The following TGM6 variants were observed in gnomAD, a reference collection of about 807,000 sequenced individuals.
TGM6 encodes the protein protein-glutamine gamma-glutamyltransferase 6.
In TGM6, 74 loss-of-function variants were observed where a neutral mutation model predicts 77.5. That is an observed-to-expected ratio of 0.96 (90% CI 0.79 to 1.16). TGM6 has a LOEUF of 1.16. TGM6 is among the 50% of genes most tolerant of loss of function. The pLI is 0.00. For missense variants in TGM6, 968 were observed against 940.2 expected, an observed-to-expected ratio of 1.03 and a Z score of -0.39; for synonymous variants, 383 against 378.9, an observed-to-expected ratio of 1.01 and a Z score of -0.12.
chr20:2,403,737 C>T lies in TGM6; in HGVS notation c.1250C>T (p.Thr417Met), dbSNP rs141071237. The change falls in exon 9 of 13, where the codon ACG becomes ATG. Residue 417 changes from threonine to methionine, a missense_variant. By Grantham distance (81) the Thr-to-Met change is moderately conservative. Transcript: ENST00000202625. ...DESRERVYSN[T>M]KKIGRCISTK... ...AGCCGGGAGCGTGTATACTCAAACACGAAGAAGATTGGGAGATGCATCAGC... is the reference window on the plus strand; with the variant it reads ...AGCCGGGAGCGTGTATACTCAAACATGAAGAAGATTGGGAGATGCATCAGC... 121 of 1,614,208 alleles carry T rather than the reference C, an allele frequency of 7.5e-5. No homozygotes were observed. The highest frequency in any genetic ancestry group is 5.6e-4 in the African/African-American group (42 of 75,056).
In TGM6 at chr20:2,395,437, G is replaced by A; in HGVS notation, c.424+1G>A. ...CTCCTTTTCAACCCATGGTGTGCAG[G>A]TAGGAGTGGCCAAGTCCAATGCAGA... On this transcript the variant is annotated splice_donor_variant, in intron 3 of 12. Coordinates refer to ENST00000202625, the MANE Select transcript of TGM6 (RefSeq NM_198994.3). LOFTEE classifies it high-confidence loss of function. 1.9e-6 allele frequency: 3 copies of A among 1,614,254 alleles called. No homozygotes were observed. The highest frequency in any genetic ancestry group is 2.5e-6 in the Non-Finnish European group (3 of 1,180,034).
intron 1 of TGM6, among the ~76,000 whole-genome samples, chr20:2,384,669 C>T (rs532941896): frequency 1.3e-5 from 2 of 152,338 alleles, no homozygotes; most frequent in East Asian, 1.9e-4. Flanking sequence ...AGGGGCAAAG[C>T]CTGCATGTGA....
At chr20:2,432,388 T>A in intron 12 of TGM6, 102 bp from the exon 13 acceptor site, 1 of 1,455,422 alleles carries the variant, frequency 6.9e-7, no homozygotes, top group Non-Finnish European at 9.6e-7. Context: ...AGCCACAAGG[T>A]GAACTTGATC....
In TGM6 at chr20:2,403,424, G is replaced by A; in HGVS notation, c.1017G>A (p.Trp339Ter). 1 of 1,614,150 alleles carries A rather than the reference G, an allele frequency of 6.2e-7. No homozygotes were observed. The highest frequency in any genetic ancestry group is 8.5e-7 in the Non-Finnish European group (1 of 1,180,042). ...MWNFHVWNES[W>*]FARQDLGPSY... ...ATTTCCATGTCTGGAATGAGAGCTG[G>A]TTTGCCCGGCAGGACCTAGGCCCCT... The change falls in exon 8 of 13, where the codon TGG becomes TGA. Residue 339 changes from tryptophan to a stop codon, truncating the protein, a stop_gained. Coordinates refer to ENST00000202625, the MANE Select transcript of TGM6 (RefSeq NM_198994.3). LOFTEE classifies it high-confidence loss of function.
rs115563813 is a variant in TGM6 at position 2,427,624 on chromosome 20, A to G, written c.1679-2822A>G. Among the ~76,000 whole-genome samples the G allele has an allele frequency of 5.1e-3, 770 of 152,326 alleles. 5 individuals are homozygous for G. Among genetic ancestry groups the G allele is most frequent in the African/African-American group, 0.016 (680 of 41,574 alleles). ...TCTCCTTTTTATAGTTTCCTAAAGC[A>G]GAAGTTTAGATTATTGGATTTAGAT... On this transcript the variant is annotated intron_variant, in intron 10 of 12. Coordinates refer to ENST00000202625, the MANE Select transcript of TGM6 (RefSeq NM_198994.3).
In TGM6 at chr20:2,397,940, T is replaced by A. The variant is rs146472161; in HGVS notation, c.566T>A (p.Ile189Asn). 6.5e-5 allele frequency: 105 copies of A among 1,613,972 alleles called. No homozygotes were observed. Among genetic ancestry groups the A allele is most frequent in the Non-Finnish European group, 8.6e-5 (102 of 1,180,006 alleles). ...YGQFEEDILN[I>N]CLSILDRSPG... ...CAGTTTGAGGAGGACATCCTGAACATCTGCCTCTCCATCCTGGATCGAAGC... is the reference window on the plus strand; with the variant it reads ...CAGTTTGAGGAGGACATCCTGAACAACTGCCTCTCCATCCTGGATCGAAGC... Residue 189 changes from isoleucine (I) to asparagine (N), a missense_variant, in exon 5 of 13, where the codon ATC becomes AAC. By Grantham distance (149) the Ile-to-Asn change is moderately radical (BLOSUM62 -3). Transcript: ENST00000202625.
At chr20:2,426,140 G>T (rs530077402) in intron 10 of TGM6, among the ~76,000 whole-genome samples, 20 of 152,222 alleles carry the variant, frequency 1.3e-4, no homozygotes, top group African/African-American at 3.6e-4. Context: ...CATGAACATG[G>T]AATATCTCTC....
intron 4 of TGM6, among the ~76,000 whole-genome samples, chr20:2,397,495 A>G (rs2122354370): frequency 6.6e-6 from 1 of 152,346 alleles, no homozygotes; most frequent in Non-Finnish European, 1.5e-5. Context: ...TTGTTGCCAG[A>G]CCTTCCAAAT....
chr20:2,396,054 C>T (rs953108803), intron 3 of TGM6, among the ~76,000 whole-genome samples: 13 of 151,980 alleles, frequency 8.6e-5, no homozygotes, highest in East Asian at 3.9e-4. Flanking sequence ...GTGGCACACG[C>T]CTGTAATCCC....
intron 9 of TGM6, among the ~76,000 whole-genome samples, chr20:2,413,361 A>T (rs1356729295): frequency 6.6e-6 from 1 of 152,184 alleles, no homozygotes; most frequent in African/African-American, 2.4e-5. Context: ...ATGAGCCATG[A>T]TTGCACCACT....
At chr20:2,381,063 A>G (rs970333871) in intron 1 of TGM6, 88 bp downstream of exon 1, 10 of 1,542,032 alleles carry the variant, frequency 6.5e-6, no homozygotes, top group South Asian at 1.2e-5. Context: ...ACGTTTGATC[A>G]TCGATTGTTA....
chr20:2,389,174 G>A (rs899350920), intron 1 of TGM6, among the ~76,000 whole-genome samples: 6 of 152,108 alleles, frequency 3.9e-5, no homozygotes, highest in Non-Finnish European at 8.8e-5. Context: ...CACTTGCTCA[G>A]GGGAAACTAA....
Position 2,417,316 on chromosome 20 carries a change from G to T in TGM6, c.1421G>T (p.Arg474Leu), listed in dbSNP as rs757439955. 3.1e-6 allele frequency: 5 copies of T among 1,613,622 alleles called. No homozygotes were observed. The highest frequency in any genetic ancestry group is 1.1e-5 in the South Asian group (1 of 90,932). The change falls in exon 10 of 13, where the codon CGC (arginine) becomes CTC (leucine). Residue 474 changes from arginine to leucine, a missense_variant. By Grantham distance (102) the Arg-to-Leu change is moderately radical. Coordinates refer to ENST00000202625, the MANE Select transcript of TGM6 (RefSeq NM_198994.3). Reference sequence around the variant, plus strand: ...GCCTCTGGAAGGAGAATCTGGATCCGCAGGGCTGGGGGTCGCTGTCTCTGG... The same window carrying T: ...GCCTCTGGAAGGAGAATCTGGATCCTCAGGGCTGGGGGTCGCTGTCTCTGG... The part of the protein sequence containing the change: ...VEASGRRIWI[R>L]RAGGRCLWRD...
rs981247067 is a variant in TGM6, at chr20:2,428,676, A to G, written c.1679-1770A>G. On this transcript the variant is annotated intron_variant, in intron 10 of 12. Coordinates refer to ENST00000202625, the MANE Select transcript of TGM6 (RefSeq NM_198994.3). ...ATATTATTATCAATAATAATATATTATCAATAACATAATAAATCAATCAAT... is the reference window on the plus strand; with the variant it reads ...ATATTATTATCAATAATAATATATTGTCAATAACATAATAAATCAATCAAT... Among the ~76,000 whole-genome samples, 7 of 149,216 alleles carry G rather than the reference A, an allele frequency of 4.7e-5. No homozygotes were observed. The South Asian group carries it at 1.5e-3, about 33-fold the overall frequency.
At chr20:2,387,348 G>T (rs961950783) in intron 1 of TGM6, among the ~76,000 whole-genome samples, 5 of 152,170 alleles carry the variant, frequency 3.3e-5, no homozygotes, top group African/African-American at 1.2e-4. Flanking sequence ...ATTGGCAAGG[G>T]TAATGGAAAA....
In TGM6 at chr20:2,403,807, C is replaced by CT; in HGVS notation, c.1321dup (p.Tyr441LeufsTer44). The stretch of plus-strand genomic sequence containing the variant: ...ACTCCCGCGTGGACATCACTGACCT[C>CT]TACAAGTATCCGGAAGGTAAGGGCC... On this transcript the variant is annotated frameshift_variant, in exon 9 of 13. Coordinates refer to ENST00000202625, the MANE Select transcript of TGM6 (RefSeq NM_198994.3). LOFTEE classifies it high-confidence loss of function. 1 of 1,614,160 alleles carries CT rather than the reference C, an allele frequency of 6.2e-7. No individual in the cohort carries two copies.
chr20:2,390,852 C>T (rs773742847), intron 1 of TGM6, among the ~76,000 whole-genome samples: 4 of 151,982 alleles, frequency 2.6e-5, no homozygotes, highest in Admixed American at 1.3e-4. Flanking sequence ...GATCCACATA[C>T]AGGGAACAGC....
At chr20:2,419,996 G>A (rs889300806) in intron 10 of TGM6, among the ~76,000 whole-genome samples, 1 of 152,190 alleles carries the variant, frequency 6.6e-6, no homozygotes, top group Non-Finnish European at 1.5e-5. Flanking sequence ...TGTAATCCCA[G>A]CACTTTGGGA....
chr20:2,414,942 G>T (rs915467846), intron 9 of TGM6, among the ~76,000 whole-genome samples: 2 of 138,722 alleles, frequency 1.4e-5, no homozygotes, highest in African/African-American at 2.8e-5. Flanking sequence ...TTTGGGGGGG[G>T]GGGTGAAAAA....
Sources: gnomAD v4.1 joint callset for allele counts (sites outside exome capture counted in the v4.1 genomes callset) on GRCh38, gnomAD v4.1.1 for gene constraint, MANE v1.5 for transcripts, NCBI Gene and HGNC (gene_info 2026-07-23, HGNC 2026-07-21) for gene names.